GTF2I: variants seen among roughly 807,000 people sequenced by gnomAD.
The protein encoded by GTF2I is general transcription factor IIi, also known as general transcription factor II-I.
Under a neutral mutation model 67.6 loss-of-function variants are expected in GTF2I, and 12 were observed. The ratio of observed to expected loss-of-function variants is 0.18; its 90% CI spans 0.11 to 0.29. The LOEUF is 0.29. Ranked by LOEUF, GTF2I falls within the 10% of genes least tolerant of loss-of-function variation. GTF2I has a pLI of 1.00. For synonymous variants in GTF2I, 149 were observed against 197.0 expected (o/e 0.76, Z 2.04); for missense variants, 271 against 580.1 (o/e 0.47, Z 5.47).
chr7:74,658,365 G>A (rs1213587350), intron 1 of GTF2I, among the ~76,000 whole-genome samples: 1 of 146,916 alleles, frequency 6.8e-6, no homozygotes, highest in African/African-American at 2.5e-5. Flanking sequence ...GCACGCGCGC[G>A]CCTCAGTGCG....
intron 1 of GTF2I, among the ~76,000 whole-genome samples, chr7:74,677,153 G>A (rs116544945): frequency 6.6e-6 from 1 of 152,146 alleles, no homozygotes; most frequent in Non-Finnish European, 1.5e-5. Context: ...CCAAAATGTA[G>A]TATTACATGA....
At chr7:74,658,908 T>C (rs587750321) in intron 1 of GTF2I, among the ~76,000 whole-genome samples, 2 of 152,280 alleles carry the variant, frequency 1.3e-5, no homozygotes, top group South Asian at 4.1e-4. Flanking sequence ...TCCTTCCCGC[T>C]CCCCGACTTC....
intron 1 of GTF2I, among the ~76,000 whole-genome samples, chr7:74,688,488 C>T (rs1268286314): frequency 6.6e-6 from 1 of 152,040 alleles, no homozygotes; most frequent in Non-Finnish European, 1.5e-5. Context: ...CGGAGTTTTG[C>T]TCTTGTCACC....
At chr7:74,699,211 G>A (rs1327654551) in intron 4 of GTF2I, 116 bp downstream of exon 4, 4 of 478,658 alleles carry the variant, frequency 8.4e-6, no homozygotes, top group Middle Eastern at 5.7e-4. Context: ...GTGACTGAAT[G>A]GATTAGCAAT....
At chr7:74,693,009 G>T (rs987380222) in intron 3 of GTF2I, among the ~76,000 whole-genome samples, 1 of 151,932 alleles carries the variant, frequency 6.6e-6, no homozygotes, top group Non-Finnish European at 1.5e-5. Flanking sequence ...TTATCTGCCC[G>T]CCTCGGCCTC....
At chr7:74,678,140 C>T (rs1468024584) in intron 1 of GTF2I, among the ~76,000 whole-genome samples, 1 of 151,768 alleles carries the variant, frequency 6.6e-6, no homozygotes. Flanking sequence ...CTGCAGCCTT[C>T]ACCTCCTGGG....
At chr7:74,705,143 A>C in intron 6 of GTF2I, 21 bp from the exon 7 acceptor site, 1 of 1,243,656 alleles carries the variant, frequency 8.0e-7, no homozygotes. Flanking sequence ...ACTAACTCCA[A>C]TTTTTTTTTT....
intron 1 of GTF2I, among the ~76,000 whole-genome samples, chr7:74,685,873 G>A (rs1304980057): frequency 1.3e-5 from 2 of 151,140 alleles, no homozygotes; most frequent in African/African-American, 4.9e-5. Flanking sequence ...CTAACATGGT[G>A]AAAACCCGTC....
intron 3 of GTF2I, 123 bp from the exon 4 acceptor site, chr7:74,698,838 A>G (rs954659350): frequency 2.8e-5 from 11 of 391,576 alleles, no homozygotes; most frequent in African/African-American, 1.9e-4. Flanking sequence ...GTTAGAATAC[A>G]TGATAAAAGT....
At chr7:74,669,478 G>A (rs1439584108) in intron 1 of GTF2I, among the ~76,000 whole-genome samples, 3 of 148,826 alleles carry the variant, frequency 2.0e-5, no homozygotes, top group Non-Finnish European at 3.0e-5. Flanking sequence ...TGATCCGCCC[G>A]CCTAGGCCTC....
At chr7:74,661,699 T>TAAAAC (rs1804514022) in intron 1 of GTF2I, among the ~76,000 whole-genome samples, 2 of 59,778 alleles carry the variant, frequency 3.3e-5, no homozygotes, top group Admixed American at 1.7e-4. Flanking sequence ...AAAAATAAAA[T>TAAAAC]AGATGTTAAA....
chr7:74,658,241 C>T (rs1554384583), intron 1 of GTF2I, among the ~76,000 whole-genome samples, 173 bp downstream of exon 1: 1 of 150,604 alleles, frequency 6.6e-6, no homozygotes, highest in Non-Finnish European at 1.5e-5. Flanking sequence ...GCCGCCTCCC[C>T]CTACCCCCAC....
At chr7:74,704,439 C>T (rs1454348736) in intron 6 of GTF2I, among the ~76,000 whole-genome samples, 4 of 151,924 alleles carry the variant, frequency 2.6e-5, no homozygotes, top group South Asian at 2.1e-4. Flanking sequence ...TACAGGCGCC[C>T]GCCACCACAC....
intron 12 of GTF2I, among the ~76,000 whole-genome samples, chr7:74,723,454 G>A (rs1340398114): frequency 0.025 from 194 of 7,714 alleles, 1 homozygote; most frequent in East Asian, 0.045. Context: ...TTTTTAAGAC[G>A]GAGTCTTGCT....
intron 3 of GTF2I, among the ~76,000 whole-genome samples, chr7:74,694,283 A>G (rs2131308619): frequency 6.6e-6 from 1 of 152,196 alleles, no homozygotes; most frequent in Non-Finnish European, 1.5e-5. Flanking sequence ...TTGGCTCATG[A>G]GGTTTAAGGA....
chr7:74,700,782 A>G, intron 6 of GTF2I, 148 bp downstream of exon 6: 1 of 830,362 alleles, frequency 1.2e-6, no homozygotes, highest in Non-Finnish European at 2.0e-6. Flanking sequence ...ATAATCCACA[A>G]AAGGTTCATT....
rs587651814 is a variant in GTF2I at position 74,689,152 on chromosome 7, C to G, written c.24C>G (p.Thr8=). Residue 8 remains threonine, a synonymous_variant, in exon 2 of 35, where the codon ACC becomes ACG. Coordinates refer to ENST00000573035, the MANE Select transcript of GTF2I (RefSeq NM_032999.4). ...TCATGGCCCAAGTTGCAATGTCCAC[C>G]CTCCCCGTTGAAGATGAGGAGTCCT... The part of the protein sequence containing the change: MAQVAMS[T]LPVEDEESSE... The G allele has an allele frequency of 3.7e-6, 6 of 1,611,784 alleles. No individual in the cohort carries two copies. Among genetic ancestry groups the G allele is most frequent in the Admixed American group, 1.7e-5 (1 of 59,958 alleles).
rs1365709349 is a variant in GTF2I at position 74,694,071 on chromosome 7, C to T, written c.238+2960C>T. Among the ~76,000 whole-genome samples, 2 of 152,138 alleles carry T rather than the reference C, an allele frequency of 1.3e-5. 1 individual carries two copies. The highest frequency in any genetic ancestry group is 4.8e-5 in the African/African-American group (2 of 41,436). On this transcript the variant is annotated intron_variant, in intron 3 of 34. Transcript: ENST00000573035. ...CTCGAAGGAAATGAAAACTGCTGCT[C>T]CAGTGAACACGCAAATGATAAAGCA... is the stretch of plus-strand genomic sequence containing the variant.
At position 74,684,288 on chromosome 7, in the gene GTF2I, A is replaced by T. The variant is rs79171842; in HGVS notation, c.-5-4836A>T. On this transcript the variant is annotated intron_variant, in intron 1 of 34. Transcript: ENST00000573035. ...TATTTTAAGTTGAGGGTATTCATAA[A>T]AGGGATTGAGCATTTCCATTTATGG... is the stretch of plus-strand genomic sequence containing the variant. Among the ~76,000 whole-genome samples, 48 of 152,302 alleles carry T rather than the reference A, an allele frequency of 3.2e-4. No individual in the cohort carries two copies. The East Asian group carries it at 8.9e-3, about 28-fold the overall frequency.
Sources: gnomAD v4.1 joint callset for allele counts (sites outside exome capture counted in the v4.1 genomes callset) on GRCh38, gnomAD v4.1.1 for gene constraint, MANE v1.5 for transcripts, NCBI Gene and HGNC (gene_info 2026-07-23, HGNC 2026-07-21) for gene names.